Variants in PLCE1 observed in about 807,000 individuals in gnomAD.
PLCE1 encodes phospholipase C epsilon 1.
Under a neutral mutation model 242.8 loss-of-function variants are expected in PLCE1, and 119 were observed. The observed-to-expected ratio is 0.49, with a 90% CI of 0.42 to 0.57. PLCE1 has a LOEUF of 0.57. Ranked by LOEUF, PLCE1 falls within the 20% of genes least tolerant of loss-of-function variation. PLCE1 has a pLI of 0.00. For missense variants in PLCE1, 2,441 were observed against 2,788.8 expected, an observed-to-expected ratio of 0.88 and a Z score of 2.81; for synonymous variants, 945 against 1,017.4, an observed-to-expected ratio of 0.93 and a Z score of 1.35.
chr10:94,313,896 G>C (rs963676840), intron 28 of PLCE1, among the ~76,000 whole-genome samples: 4 of 152,208 alleles, frequency 2.6e-5, no homozygotes, highest in Admixed American at 1.3e-4. Flanking sequence ...GCCTTCCTTT[G>C]CATGTTGAGC....
At chr10:93,997,889 C>T (rs991924392) in intron 1 of PLCE1, among the ~76,000 whole-genome samples, 3 of 152,122 alleles carry the variant, frequency 2.0e-5, no homozygotes, top group South Asian at 4.1e-4. Context: ...ACTGGTGAAA[C>T]CATTGGGCTC....
Position 94,050,708 on chromosome 10 carries a change from A to C in PLCE1, c.1206+18456A>C, listed in dbSNP as rs2043740690. The stretch of plus-strand genomic sequence containing the variant: ...TTTTTTGCAAAAAAATAAAAATTTA[A>C]AAGAAAACAAAAAAATAATTATCTA... On this transcript the variant is annotated intron_variant, in intron 2 of 32. Coordinates refer to ENST00000371380, the MANE Select transcript of PLCE1 (RefSeq NM_016341.4). 2.0e-5 allele frequency among the ~76,000 whole-genome samples: 3 copies of C among 152,138 alleles called. No individual in the cohort carries two copies. The South Asian group carries it at 6.2e-4, about 32-fold the overall frequency.
At chr10:94,009,294 T>C (rs993664987) in intron 1 of PLCE1, among the ~76,000 whole-genome samples, 1 of 152,074 alleles carries the variant, frequency 6.6e-6, no homozygotes, top group Non-Finnish European at 1.5e-5. Flanking sequence ...TGTGAACTAA[T>C]GGAGTGAGAA....
At chr10:94,212,996 T>C (rs2049393580) in intron 4 of PLCE1, among the ~76,000 whole-genome samples, 1 of 152,230 alleles carries the variant, frequency 6.6e-6, no homozygotes, top group South Asian at 2.1e-4. Context: ...AAGTACTAAG[T>C]GCAGCTTGGA....
chr10:94,324,125 A>T (rs1196052687), intron 30 of PLCE1, among the ~76,000 whole-genome samples: 1 of 152,226 alleles, frequency 6.6e-6, no homozygotes, highest in Admixed American at 6.5e-5. Context: ...ATTCAGGATA[A>T]TAACACCTAA....
At chr10:94,016,383 A>G (rs1019580918) in intron 1 of PLCE1, among the ~76,000 whole-genome samples, 6 of 152,132 alleles carry the variant, frequency 3.9e-5, no homozygotes, top group Admixed American at 2.6e-4. Flanking sequence ...AAGACCTAAA[A>G]CATTAAACTC....
intron 2 of PLCE1, chr10:94,109,272 T>C (rs1412531259): frequency 5.3e-5 from 8 of 152,226 alleles, no homozygotes; most frequent in Non-Finnish European, 7.3e-5. Flanking sequence ...TTTGACCTAT[T>C]TTTGTTTCAA....
intron 30 of PLCE1, among the ~76,000 whole-genome samples, chr10:94,323,379 A>G (rs983735582): frequency 6.6e-6 from 1 of 152,250 alleles, no homozygotes; most frequent in African/African-American, 2.4e-5. Context: ...TGAGACCTGG[A>G]GTAAAAGCTC....
At chr10:94,200,082 T>G (rs375373621) in intron 4 of PLCE1, among the ~76,000 whole-genome samples, 1 of 152,230 alleles carries the variant, frequency 6.6e-6, no homozygotes, top group Non-Finnish European at 1.5e-5. Flanking sequence ...CAAAGATGGT[T>G]ACATATAGAA....
intron 1 of PLCE1, among the ~76,000 whole-genome samples, chr10:94,016,104 A>G (rs2061275046): frequency 6.6e-6 from 1 of 152,190 alleles, no homozygotes; most frequent in Non-Finnish European, 1.5e-5. Context: ...TCGGAGGGGC[A>G]AGGCAGTATG....
intron 2 of PLCE1, among the ~76,000 whole-genome samples, chr10:94,055,881 T>C (rs983117038): frequency 2.6e-4 from 39 of 152,214 alleles, no homozygotes; most frequent in African/African-American, 9.2e-4. Context: ...CAGAGAGACC[T>C]TGCTGTCATA....
intron 7 of PLCE1, among the ~76,000 whole-genome samples, chr10:94,239,785 AG>A (rs955447532): frequency 6.6e-6 from 1 of 152,244 alleles, no homozygotes; most frequent in Non-Finnish European, 1.5e-5. Context: ...AGAATATCTG[AG>A]AAAAGATAAT....
At chr10:94,250,131 C>CAAAAA (rs34113881) in intron 8 of PLCE1, among the ~76,000 whole-genome samples, 3 of 95,678 alleles carry the variant, frequency 3.1e-5, no homozygotes, top group African/African-American at 4.0e-5. Context: ...GACTCTGTCT[C>CAAAAA]AAAAAAAAAA....
At chr10:94,076,398 GA>G (rs761696377) in intron 2 of PLCE1, among the ~76,000 whole-genome samples, 50 of 152,276 alleles carry the variant, frequency 3.3e-4, no homozygotes, top group Non-Finnish European at 6.0e-4. Context: ...ACTGTCAGGT[GA>G]TTTCTGAGAT....
chr10:94,313,477 GCACATGAAT>G, intron 28 of PLCE1, 95 bp downstream of exon 28: 1 of 1,385,602 alleles, frequency 7.2e-7, no homozygotes, highest in South Asian at 1.2e-5. Flanking sequence ...ATACACAGAT[GCACATGAAT>G]GCGCAAAAGT....
chr10:94,144,647 G>A (rs2047062449), intron 3 of PLCE1, among the ~76,000 whole-genome samples: 1 of 152,158 alleles, frequency 6.6e-6, no homozygotes, highest in African/African-American at 2.4e-5. Context: ...GCAGAGAAGT[G>A]GTCAAATCAA....
chr10:94,000,709 T>C (rs937482968), intron 1 of PLCE1, among the ~76,000 whole-genome samples: 11 of 152,188 alleles, frequency 7.2e-5, no homozygotes, highest in African/African-American at 2.2e-4. Flanking sequence ...TCTTACTTCC[T>C]CTCTCCCCAG....
chr10:93,996,429 C>G (rs1213366987), intron 1 of PLCE1, among the ~76,000 whole-genome samples: 1 of 152,100 alleles, frequency 6.6e-6, no homozygotes, highest in African/African-American at 2.4e-5. Flanking sequence ...AAACATGGTG[C>G]TTCTGGAAGA....
At chr10:94,101,633 G>T (rs1197652168) in intron 2 of PLCE1, among the ~76,000 whole-genome samples, 1 of 152,200 alleles carries the variant, frequency 6.6e-6, no homozygotes, top group African/African-American at 2.4e-5. Flanking sequence ...GAGCTACTCG[G>T]TAAATACAGG....
Sources: allele counts gnomAD v4.1 joint callset (sites outside exome capture counted in the v4.1 genomes callset), GRCh38; gene constraint gnomAD v4.1.1; transcripts MANE v1.5; gene names NCBI Gene and HGNC (gene_info 2026-07-23, HGNC 2026-07-21).